Variants in POU6F2 observed in about 807,000 individuals in gnomAD.
POU6F2 encodes POU class 6 homeobox 2.
POU6F2 carries 31 observed loss-of-function variants against 71.3 expected under a neutral mutation model. The observed-to-expected ratio is 0.43, with a 90% confidence interval of 0.33 to 0.59. The LOEUF (loss-of-function observed/expected upper bound fraction) is 0.59. POU6F2 is among the 20% of genes least tolerant of loss of function. The pLI is 0.04. For synonymous variants in POU6F2, 347 were observed against 355.7 expected (o/e 0.98, Z 0.27); for missense variants, 783 against 856.8 (o/e 0.91, Z 1.07).
At chr7:39,120,195 G>A (rs1326951907) in intron 2 of POU6F2, among the ~76,000 whole-genome samples, 2 of 152,030 alleles carry the variant, frequency 1.3e-5, no homozygotes, top group Admixed American at 6.6e-5. Context: ...ATAGAGGTAG[G>A]GTCTCGCTAT....
chr7:39,112,579 T>C lies in POU6F2; in HGVS notation c.277+26548T>C, dbSNP rs75854566. ...GCCACTGGCAAGCTATTTCAGTTAA[T>C]ATCCACATGAAATTGCTTACAGCAT... On this transcript the variant is annotated intron_variant, in intron 2 of 9. Transcript: ENST00000518318. 1.0e-3 allele frequency among the ~76,000 whole-genome samples: 154 copies of C among 152,290 alleles called. 1 individual carries two copies. In the East Asian group the frequency reaches 0.022, roughly 22 times the overall value.
chr7:39,217,633 G>A (rs1489274944), intron 4 of POU6F2, among the ~76,000 whole-genome samples: 1 of 152,156 alleles, frequency 6.6e-6, no homozygotes, highest in Non-Finnish European at 1.5e-5. Context: ...AATACCTAGT[G>A]CATAAATTCA....
At chr7:39,433,539 A>G (rs1044573595) in intron 7 of POU6F2, among the ~76,000 whole-genome samples, 18 of 152,192 alleles carry the variant, frequency 1.2e-4, no homozygotes, top group Non-Finnish European at 1.8e-4. Flanking sequence ...CTAAAATTCA[A>G]TAGGGATGTA....
chr7:39,397,628 GA>G (rs1787201452), intron 5 of POU6F2, among the ~76,000 whole-genome samples: 1 of 148,436 alleles, frequency 6.7e-6, no homozygotes, highest in African/African-American at 2.5e-5. Flanking sequence ...GAGTAGCTAG[GA>G]TTACAGGCAC....
intron 4 of POU6F2, among the ~76,000 whole-genome samples, chr7:39,291,436 T>G (rs1452746714): frequency 6.6e-6 from 1 of 152,232 alleles, no homozygotes; most frequent in African/African-American, 2.4e-5. Context: ...TTACATCTCA[T>G]CTTGTTTTGC....
intron 2 of POU6F2, among the ~76,000 whole-genome samples, chr7:39,150,225 C>CTGTCTGTGTGTGTGTGTGTG (rs1554325542): frequency 7.1e-6 from 1 of 141,160 alleles, no homozygotes; most frequent in African/African-American, 2.7e-5. Flanking sequence ...AGTAATATGT[C>CTGTCTGTGTGTGTGTGTGTG]TGTGTGTGTG....
At chr7:39,308,040 T>C (rs1240147951) in intron 4 of POU6F2, among the ~76,000 whole-genome samples, 1 of 152,112 alleles carries the variant, frequency 6.6e-6, no homozygotes, top group Non-Finnish European at 1.5e-5. Context: ...TTGCCTCCAC[T>C]GTCCACCTAC....
chr7:39,343,093 A>T (rs1031346091), intron 5 of POU6F2, among the ~76,000 whole-genome samples: 2 of 152,188 alleles, frequency 1.3e-5, no homozygotes, highest in Non-Finnish European at 2.9e-5. Flanking sequence ...AGGAGGCTTG[A>T]GGAGAGAAGT....
intron 4 of POU6F2, among the ~76,000 whole-genome samples, chr7:39,317,359 A>C (rs1454400028): frequency 6.6e-6 from 1 of 152,152 alleles, no homozygotes; most frequent in African/African-American, 2.4e-5. Context: ...TCTAAAGTGG[A>C]TCCCTCTTTC....
intron 1 of POU6F2, among the ~76,000 whole-genome samples, chr7:39,019,143 A>T (rs1462778350): frequency 1.3e-5 from 2 of 152,176 alleles, no homozygotes; most frequent in African/African-American, 4.8e-5. Context: ...AAATCTGTAG[A>T]TGGTAAATTT....
intron 1 of POU6F2, chr7:38,984,094 CT>C (rs1788400644): frequency 6.6e-6 from 1 of 152,108 alleles, no homozygotes; most frequent in Admixed American, 6.6e-5. Flanking sequence ...TGAAGATCAA[CT>C]GAGTATTCTC....
intron 8 of POU6F2, among the ~76,000 whole-genome samples, chr7:39,458,365 T>G (rs926448335): frequency 6.8e-6 from 1 of 147,150 alleles, no homozygotes; most frequent in Non-Finnish European, 1.5e-5. Context: ...TAGAAATAAA[T>G]GTTTACATGT....
intron 1 of POU6F2, among the ~76,000 whole-genome samples, chr7:38,988,573 C>T (rs190910032): frequency 6.2e-4 from 95 of 152,146 alleles, no homozygotes; most frequent in African/African-American, 2.3e-3. Context: ...CAGAAAAGGG[C>T]TAAATATTTA....
At chr7:39,015,672 T>A (rs1789472413) in intron 1 of POU6F2, among the ~76,000 whole-genome samples, 1 of 111,220 alleles carries the variant, frequency 9.0e-6, no homozygotes, top group Non-Finnish European at 1.7e-5. Context: ...ATAGATATAT[T>A]ATATCTATGT....
chr7:39,248,562 A>T (rs572568814), intron 4 of POU6F2, among the ~76,000 whole-genome samples: 1 of 152,294 alleles, frequency 6.6e-6, no homozygotes, highest in East Asian at 1.9e-4. Flanking sequence ...TAATCCCCAA[A>T]GGATCTTCTC....
At chr7:39,376,799 G>A (rs1583560074) in intron 5 of POU6F2, among the ~76,000 whole-genome samples, 1 of 151,806 alleles carries the variant, frequency 6.6e-6, no homozygotes, top group East Asian at 1.9e-4. Context: ...GAGTATCTGT[G>A]ATGGACATAG....
At chr7:39,122,374 C>G (rs975904432) in intron 2 of POU6F2, among the ~76,000 whole-genome samples, 3 of 152,230 alleles carry the variant, frequency 2.0e-5, no homozygotes, top group African/African-American at 7.2e-5. Flanking sequence ...CTCTGTGAAA[C>G]TTGGACAAGT....
rs146406165 is a variant in POU6F2 at position 39,119,925 on chromosome 7, G to A, written c.277+33894G>A. Among the ~76,000 whole-genome samples, 459 of 152,280 alleles carry A rather than the reference G, an allele frequency of 3.0e-3. 1 individual carries two copies. The highest frequency in any genetic ancestry group is 0.01 in the African/African-American group (433 of 41,560). The stretch of plus-strand genomic sequence containing the variant: ...ATTCACAGAATTAGAAGGCACATAC[G>A]ATGAATTGATGTTCTTGGGGTTGGG... On this transcript the variant is annotated intron_variant, in intron 2 of 9. Coordinates refer to ENST00000518318, the MANE Select transcript of POU6F2 (RefSeq NM_001370959.1).
chr7:39,187,609 A>G (rs1169263147), intron 2 of POU6F2, among the ~76,000 whole-genome samples: 5 of 152,200 alleles, frequency 3.3e-5, no homozygotes, highest in African/African-American at 1.2e-4. Flanking sequence ...TGGATTTGAG[A>G]GCCGCTACTT....
Sources: allele counts gnomAD v4.1 joint callset (sites outside exome capture counted in the v4.1 genomes callset), GRCh38; gene constraint gnomAD v4.1.1; transcripts MANE v1.5; gene names NCBI Gene and HGNC (gene_info 2026-07-23, HGNC 2026-07-21).